Variants in MAPK8 observed in about 807,000 individuals in gnomAD.
MAPK8 encodes the protein mitogen-activated protein kinase 8, also known as JUN N-terminal kinase.
Under a neutral mutation model 52.9 loss-of-function variants are expected in MAPK8, and 13 were observed. The observed-to-expected ratio is 0.25, with a 90% CI of 0.16 to 0.39. The LOEUF is 0.39. Ranked by LOEUF, MAPK8 falls within the 10% of genes least tolerant of loss-of-function variation. MAPK8 has a pLI of 1.00. For missense variants in MAPK8, 300 were observed against 519.2 expected, an observed-to-expected ratio of 0.58 and a Z score of 4.10; for synonymous variants, 191 against 169.8, an observed-to-expected ratio of 1.12 and a Z score of -0.97.
chr10:48,391,784 C>G (rs2041638906), intron 1 of MAPK8, among the ~76,000 whole-genome samples: 1 of 152,128 alleles, frequency 6.6e-6, no homozygotes, highest in African/African-American at 2.4e-5. Context: ...CTGACTGGCT[C>G]CAAGTTGAGG....
At chr10:48,392,042 G>C (rs2041653067) in intron 1 of MAPK8, among the ~76,000 whole-genome samples, 1 of 152,156 alleles carries the variant, frequency 6.6e-6, no homozygotes, top group Admixed American at 6.6e-5. Context: ...GCCTTTCATG[G>C]AGATTTATTG....
chr10:48,431,610 A>G (rs900052708), intron 11 of MAPK8, among the ~76,000 whole-genome samples: 1 of 152,220 alleles, frequency 6.6e-6, no homozygotes, highest in African/African-American at 2.4e-5. Flanking sequence ...ACTTTGGATA[A>G]ATAAAAGCTT....
intron 1 of MAPK8, among the ~76,000 whole-genome samples, chr10:48,349,238 A>G (rs1001172624): frequency 2.0e-5 from 3 of 152,176 alleles, no homozygotes; most frequent in Non-Finnish European, 4.4e-5. Context: ...TAACAAGGAT[A>G]TCCAGGAGTT....
intron 1 of MAPK8, among the ~76,000 whole-genome samples, chr10:48,362,410 A>G (rs1473892177): frequency 6.6e-6 from 1 of 151,898 alleles, no homozygotes; most frequent in Non-Finnish European, 1.5e-5. Context: ...TATTTCTACT[A>G]ACTAGTTTCT....
At chr10:48,334,712 C>T (rs1844502799) in intron 1 of MAPK8, among the ~76,000 whole-genome samples, 1 of 152,122 alleles carries the variant, frequency 6.6e-6, no homozygotes, top group African/African-American at 2.4e-5. Flanking sequence ...CCCAGACGGG[C>T]CCCCAAGTTT....
At chr10:48,418,991 T>C (rs1180676766) in intron 5 of MAPK8, among the ~76,000 whole-genome samples, 1 of 152,220 alleles carries the variant, frequency 6.6e-6, no homozygotes, top group Non-Finnish European at 1.5e-5. Context: ...GCAGTGTTTC[T>C]TTGCTGAGGT....
At chr10:48,390,499 A>T (rs1486333230) in intron 1 of MAPK8, among the ~76,000 whole-genome samples, 1 of 152,156 alleles carries the variant, frequency 6.6e-6, no homozygotes, top group East Asian at 1.9e-4. Flanking sequence ...TAAATTCTGA[A>T]CCTTGTTGTA....
chr10:48,403,817 T>C (rs11598434), intron 2 of MAPK8, among the ~76,000 whole-genome samples: 69,491 of 151,294 alleles, frequency 0.46, 16,178 homozygotes, highest in South Asian at 0.57. Context: ...GGCGTGATCT[T>C]GGCTCACTGC....
chr10:48,350,916 A>G (rs938030865), intron 1 of MAPK8, among the ~76,000 whole-genome samples: 1 of 152,250 alleles, frequency 6.6e-6, no homozygotes, highest in African/African-American at 2.4e-5. Context: ...AACATCAGCA[A>G]AGTCTTAGCA....
chr10:48,412,238 A>G lies in MAPK8; in HGVS notation c.450+2070A>G, dbSNP rs1308225143. Among the ~76,000 whole-genome samples, 3 of 152,204 alleles carry G rather than the reference A, an allele frequency of 2.0e-5. 1 individual carries two copies. Among genetic ancestry groups the G allele is most frequent in the Admixed American group, 2.0e-4 (3 of 15,286 alleles). ...CTGTTAAGCTCATTGAGGATCTTTT[A>G]TAAGTGACAAATGCACCTCTCTTGC... On this transcript the variant is annotated intron_variant, in intron 5 of 11. Transcript: ENST00000374189.
At chr10:48,401,578 T>C in intron 1 of MAPK8, 34 bp from the exon 2 acceptor site, 2 of 1,467,864 alleles carry the variant, frequency 1.4e-6, no homozygotes, top group South Asian at 2.4e-5. Context: ...AACAAGTTCA[T>C]TTTGTTAACA....
chr10:48,348,941 A>T (rs1446948509), intron 1 of MAPK8, among the ~76,000 whole-genome samples: 1 of 114,578 alleles, frequency 8.7e-6, no homozygotes, highest in Non-Finnish European at 1.9e-5. Flanking sequence ...TTACCAAGCA[A>T]ATGGAAAGCA....
chr10:48,368,147 A>G (rs192341945), intron 1 of MAPK8, among the ~76,000 whole-genome samples: 179 of 152,352 alleles, frequency 1.2e-3, no homozygotes, highest in African/African-American at 4.1e-3. Context: ...ACAATTTGGC[A>G]GCTGATTAGA....
intron 1 of MAPK8, among the ~76,000 whole-genome samples, chr10:48,341,700 A>C (rs1378977478): frequency 6.6e-6 from 1 of 152,244 alleles, no homozygotes; most frequent in Non-Finnish European, 1.5e-5. Flanking sequence ...GAAGAGGATT[A>C]ATTGTAAAAA....
At chr10:48,434,456 T>G (rs2044667505) in intron 11 of MAPK8, among the ~76,000 whole-genome samples, 1 of 152,226 alleles carries the variant, frequency 6.6e-6, no homozygotes, top group South Asian at 2.1e-4. Context: ...GACTTTTTTG[T>G]AGGGAAGTAG....
At chr10:48,426,177 G>T in intron 8 of MAPK8, 107 bp downstream of exon 8, 1 of 1,092,712 alleles carries the variant, frequency 9.2e-7, no homozygotes, top group Non-Finnish European at 1.3e-6. Flanking sequence ...ATGAACCCAA[G>T]GTTTTCTCTG....
intron 1 of MAPK8, among the ~76,000 whole-genome samples, chr10:48,336,188 A>T (rs1207162362): frequency 6.6e-6 from 1 of 152,204 alleles, no homozygotes; most frequent in African/African-American, 2.4e-5. Context: ...ACCACAGATT[A>T]TCAGTATGTG....
chr10:48,348,126 A>G (rs1048521573), intron 1 of MAPK8, among the ~76,000 whole-genome samples: 1 of 152,122 alleles, frequency 6.6e-6, no homozygotes, highest in Non-Finnish European at 1.5e-5. Context: ...TTTGATTTGC[A>G]TTTCTCTAAT....
chr10:48,416,056 C>A (rs2043049745), intron 5 of MAPK8, among the ~76,000 whole-genome samples: 1 of 152,062 alleles, frequency 6.6e-6, no homozygotes, highest in African/African-American at 2.4e-5. Flanking sequence ...GTCTTGAGGC[C>A]ACGATTGGTA....
Sources: gnomAD v4.1 joint callset for allele counts (sites outside exome capture counted in the v4.1 genomes callset) on GRCh38, gnomAD v4.1.1 for gene constraint, MANE v1.5 for transcripts, NCBI Gene and HGNC (gene_info 2026-07-23, HGNC 2026-07-21) for gene names.